The following MRTFB variants were observed in gnomAD, a reference collection of about 807,000 sequenced individuals.
MRTFB encodes the protein myocardin-related transcription factor B.
MRTFB carries 29 observed loss-of-function variants against 104.2 expected under a neutral mutation model. The ratio of observed to expected loss-of-function variants is 0.28; its 90% CI spans 0.21 to 0.38. The LOEUF (loss-of-function observed/expected upper bound fraction) is 0.38, where lower values mean the gene tolerates loss of function less well. Among genes scored for constraint, MRTFB ranks in the 10% least tolerant of loss-of-function variants. The pLI, the probability that MRTFB is intolerant of heterozygous loss-of-function variation, is 1.00. For missense variants in MRTFB, 1,270 were observed against 1,341.6 expected (o/e 0.95, Z 0.83); for synonymous variants, 535 against 519.5 (o/e 1.03, Z -0.41).
At chr16:14,248,633 T>C (rs1232904702) in intron 12 of MRTFB, 1 of 288,958 alleles carries the variant, frequency 3.5e-6, no homozygotes, top group Non-Finnish European at 6.5e-6. Flanking sequence ...CTATTATGTG[T>C]AGAACTGCCT....
chr16:14,131,188 A>G (rs757454984), intron 2 of MRTFB, among the ~76,000 whole-genome samples: 21 of 152,228 alleles, frequency 1.4e-4, no homozygotes, highest in Non-Finnish European at 1.2e-4. Context: ...CTGAACTGAT[A>G]CCCTATACTA....
chr16:14,228,917 G>A (rs1359573005), intron 8 of MRTFB, among the ~76,000 whole-genome samples: 2 of 152,134 alleles, frequency 1.3e-5, no homozygotes, highest in Non-Finnish European at 2.9e-5. Flanking sequence ...GGGGTGAGGG[G>A]AATGTGGAAC....
chr16:14,170,284 C>T (rs1012708691), intron 3 of MRTFB: 1 of 152,242 alleles, frequency 6.6e-6, no homozygotes, highest in African/African-American at 2.4e-5. Flanking sequence ...TAGCAAGACT[C>T]CTCTACAAAA....
rs2041745393 is a variant in MRTFB at position 14,222,016 on chromosome 16, G to A, written c.693+3018G>A. Among the ~76,000 whole-genome samples the A allele has an allele frequency of 2.6e-5, 4 of 152,082 alleles. No individual in the cohort carries two copies. In the South Asian group the frequency reaches 8.3e-4, roughly 31 times the overall value. On this transcript the variant is annotated intron_variant, in intron 8 of 16. Transcript: ENST00000571589. Reference sequence around the variant, plus strand: ...TGCTGTCTTGAACTTCTGACCTCAGGTGATCTGCCCACCTCGCCCTCCCAA... The same window carrying A: ...TGCTGTCTTGAACTTCTGACCTCAGATGATCTGCCCACCTCGCCCTCCCAA...
At chr16:14,047,029 C>T in the MRTFB span, among the ~76,000 whole-genome samples, 9 of 152,178 alleles carry the variant, frequency 5.9e-5, no homozygotes, top group Non-Finnish European at 1.0e-4. Flanking sequence ...CTGTGCCTAG[C>T]GGCTGGAGAT....
Position 14,246,541 on chromosome 16 carries a change from T to C in MRTFB, c.1281T>C (p.Ile427=). Residue 427 remains isoleucine (I), a synonymous_variant, in exon 12 of 17, where the codon ATT becomes ATC. Coordinates refer to ENST00000571589, the MANE Select transcript of MRTFB (RefSeq NM_001308142.2). ...LPVSGTKPDL[I]ERLKPYQEVN... ...TGTCAGGCACCAAACCGGACCTCAT[T>C]GAGCGCCTAAAACCCTACCAGGAAG... 1 of 1,614,174 alleles carries C rather than the reference T, an allele frequency of 6.2e-7. No individual in the cohort carries two copies. Among genetic ancestry groups the C allele is most frequent in the Non-Finnish European group, 8.5e-7 (1 of 1,180,024 alleles).
rs1206183871 is a variant in MRTFB at position 14,097,746 on chromosome 16, C to T, written c.-64+18392C>T. 2.6e-5 allele frequency among the ~76,000 whole-genome samples: 4 copies of T among 152,170 alleles called. No homozygotes were observed. In the East Asian group the frequency reaches 5.8e-4, roughly 22 times the overall value. On this transcript the variant is annotated intron_variant, in intron 2 of 16. Transcript: ENST00000571589. The stretch of plus-strand genomic sequence containing the variant: ...AATCCTTCCTGCATGCTCCTTTGCC[C>T]CTGTTTCCAGGCAACCACTGATCTG...
the MRTFB span, among the ~76,000 whole-genome samples, chr16:14,053,757 G>A: frequency 6.6e-6 from 1 of 151,604 alleles, no homozygotes; most frequent in Non-Finnish European, 1.5e-5. Flanking sequence ...ATAGTTAGGT[G>A]TGGTGGAGGG....
At chr16:14,183,381 A>C (rs1224442056) in intron 3 of MRTFB, among the ~76,000 whole-genome samples, 2 of 152,226 alleles carry the variant, frequency 1.3e-5, no homozygotes, top group Admixed American at 1.3e-4. Flanking sequence ...AAGAGACTTA[A>C]TAATTCAAGA....
intron 2 of MRTFB, among the ~76,000 whole-genome samples, chr16:14,118,041 A>C (rs1044846538): frequency 3.9e-5 from 6 of 152,144 alleles, no homozygotes; most frequent in African/African-American, 1.2e-4. Context: ...TAAAAGAAAA[A>C]ATGATATAAA....
At chr16:14,239,250 A>G (rs1305095486) in intron 9 of MRTFB, among the ~76,000 whole-genome samples, 1 of 152,274 alleles carries the variant, frequency 6.6e-6, no homozygotes, top group Non-Finnish European at 1.5e-5. Flanking sequence ...AAACATATCC[A>G]AAGGAAGGAT....
chr16:14,001,240 A>G, the MRTFB span, among the ~76,000 whole-genome samples: 1 of 152,224 alleles, frequency 6.6e-6, no homozygotes, highest in African/African-American at 2.4e-5. Context: ...GTAGCTCCAA[A>G]GGCGGCCAAG....
rs1353938822 is a variant in MRTFB, at chr16:14,251,937, T to C, written c.2479T>C (p.Phe827Leu). The C allele has an allele frequency of 1.2e-6, 2 of 1,614,074 alleles. No individual in the cohort carries two copies. Among genetic ancestry groups the C allele is most frequent in the Admixed American group, 3.3e-5 (2 of 60,008 alleles). ...RHPAPAVQQP[F>L]INKASNSVLQ... ...TCCTGCCCCAGCTGTCCAGCAGCCC[T>C]TTATCAATAAGGCCTCCAACAGTGT... is the stretch of plus-strand genomic sequence containing the variant. Residue 827 changes from phenylalanine (F) to leucine (L), a missense_variant, in exon 14 of 17, where the codon TTT (phenylalanine) becomes CTT (leucine). Coordinates refer to ENST00000571589, the MANE Select transcript of MRTFB (RefSeq NM_001308142.2).
the MRTFB span, among the ~76,000 whole-genome samples, chr16:14,046,240 C>A: frequency 9.9e-5 from 15 of 152,172 alleles, no homozygotes; most frequent in Admixed American, 7.9e-4. Flanking sequence ...ATGGGAGGAA[C>A]GCTTGAGCCC....
intron 4 of MRTFB, 145 bp downstream of exon 4, chr16:14,210,453 CA>C (rs1387950240): frequency 1.7e-6 from 1 of 596,130 alleles, no homozygotes. Context: ...AAAAATCAGG[CA>C]CCTAAGTGAA....
At chr16:14,064,524 T>A in the MRTFB span, among the ~76,000 whole-genome samples, 3 of 152,354 alleles carry the variant, frequency 2.0e-5, no homozygotes, top group East Asian at 5.8e-4. Flanking sequence ...ATCTTCATCA[T>A]AAAATCTTTG....
At position 14,240,222 on chromosome 16, in the gene MRTFB, T is replaced by A; in HGVS notation, c.832-15T>A. 1.9e-6 allele frequency: 3 copies of A among 1,572,580 alleles called. No individual in the cohort carries two copies. Among genetic ancestry groups the A allele is most frequent in the Non-Finnish European group, 2.6e-6 (3 of 1,163,128 alleles). On this transcript the variant is annotated splice_polypyrimidine_tract_variant and intron_variant, in intron 9 of 16. Coordinates refer to ENST00000571589, the MANE Select transcript of MRTFB (RefSeq NM_001308142.2). ...GACATCTCTTTAAATGTTATTTTCT[T>A]TTTCTCAAAAATAGCAAAGCCATCC...
the MRTFB span, among the ~76,000 whole-genome samples, chr16:13,998,101 G>C: frequency 2.0e-5 from 3 of 152,196 alleles, no homozygotes; most frequent in Non-Finnish European, 4.4e-5. Context: ...AGCCTCTGAG[G>C]CGTGCAGCAG....
At chr16:14,133,439 T>C (rs889680065) in intron 2 of MRTFB, among the ~76,000 whole-genome samples, 1 of 152,256 alleles carries the variant, frequency 6.6e-6, no homozygotes, top group African/African-American at 2.4e-5. Flanking sequence ...CTACTGCACT[T>C]AGTCATGTCT....
Sources: allele counts gnomAD v4.1 joint callset (sites outside exome capture counted in the v4.1 genomes callset), GRCh38; gene constraint gnomAD v4.1.1; transcripts MANE v1.5; gene names NCBI Gene and HGNC (gene_info 2026-07-23, HGNC 2026-07-21).